RALA: variants seen among roughly 807,000 people sequenced by gnomAD.
RALA encodes ras-related protein Ral-A.
A neutral mutation model predicts 24.0 loss-of-function variants in RALA; 5 were observed. That is an observed-to-expected ratio of 0.21 (90% CI 0.11 to 0.44). The LOEUF is 0.44. RALA is among the 20% of genes least tolerant of loss of function. RALA has a pLI of 0.99. For synonymous variants in RALA, 77 were observed against 83.8 expected, an observed-to-expected ratio of 0.92 and a Z score of 0.44; for missense variants, 95 against 241.2, an observed-to-expected ratio of 0.39 and a Z score of 4.01.
At chr7:39,661,578 C>T (rs1792191682) in intron 1 of RALA, among the ~76,000 whole-genome samples, 1 of 152,220 alleles carries the variant, frequency 6.6e-6, no homozygotes, top group Non-Finnish European at 1.5e-5. Flanking sequence ...AAAATGATCT[C>T]CTTTGACTCC....
At chr7:39,651,777 G>T (rs909534682) in intron 1 of RALA, among the ~76,000 whole-genome samples, 1 of 152,022 alleles carries the variant, frequency 6.6e-6, no homozygotes, top group Admixed American at 6.6e-5. Context: ...TATAAATGCT[G>T]TTTGTAAGCA....
intron 4 of RALA, among the ~76,000 whole-genome samples, chr7:39,699,376 A>G (rs1272193877): frequency 1.3e-5 from 2 of 151,522 alleles, no homozygotes; most frequent in African/African-American, 2.4e-5. Context: ...TCCTGACCTC[A>G]TGATCCACCC....
chr7:39,684,618 G>A (rs1402019675), intron 1 of RALA, among the ~76,000 whole-genome samples: 1 of 150,660 alleles, frequency 6.6e-6, no homozygotes. Context: ...CAACCTAAAA[G>A]CAGGGGTGTC....
chr7:39,657,258 G>A (rs1219197505), intron 1 of RALA, among the ~76,000 whole-genome samples: 2 of 152,066 alleles, frequency 1.3e-5, no homozygotes, highest in Non-Finnish European at 1.5e-5. Flanking sequence ...GAGCCACCAC[G>A]CCCAGCCCAG....
chr7:39,631,547 T>C (rs1037054573), intron 1 of RALA, among the ~76,000 whole-genome samples: 1 of 152,246 alleles, frequency 6.6e-6, no homozygotes, highest in Non-Finnish European at 1.5e-5. Flanking sequence ...CTTGATGGTA[T>C]TGAGACATCT....
At chr7:39,631,439 G>A (rs1368520597) in intron 1 of RALA, among the ~76,000 whole-genome samples, 1 of 151,588 alleles carries the variant, frequency 6.6e-6, no homozygotes, top group Non-Finnish European at 1.5e-5. Flanking sequence ...GCTCACTGCA[G>A]CCTTGAACTC....
At chr7:39,628,550 T>TA (rs1791536508) in intron 1 of RALA, among the ~76,000 whole-genome samples, 1 of 152,158 alleles carries the variant, frequency 6.6e-6, no homozygotes, top group Non-Finnish European at 1.5e-5. Flanking sequence ...CCTAACAGTT[T>TA]AATTTTTTTG....
rs932133791 is a variant in RALA at position 39,689,914 on chromosome 7, A to T, written c.115-468A>T. Among the ~76,000 whole-genome samples the T allele has an allele frequency of 3.9e-5, 6 of 152,368 alleles. 1 individual carries two copies. Among genetic ancestry groups the T allele is most frequent in the Admixed American group, 6.5e-5 (1 of 15,302 alleles). On this transcript the variant is annotated intron_variant, in intron 2 of 4. Transcript: ENST00000005257. Reference sequence around the variant, plus strand: ...GAAGTCTCATAAAGTTTAAGATTTGACTTTCTGTTGAGTAGTGTAAATCAC... The same window carrying T: ...GAAGTCTCATAAAGTTTAAGATTTGTCTTTCTGTTGAGTAGTGTAAATCAC...
intron 1 of RALA, among the ~76,000 whole-genome samples, chr7:39,655,731 TC>T (rs1376289542): frequency 6.6e-6 from 1 of 152,178 alleles, no homozygotes; most frequent in African/African-American, 2.4e-5. Flanking sequence ...GTCATGCCAG[TC>T]CCTACAGAGT....
At chr7:39,680,160 G>A (rs952251317) in intron 1 of RALA, among the ~76,000 whole-genome samples, 8 of 151,854 alleles carry the variant, frequency 5.3e-5, no homozygotes, top group South Asian at 2.1e-4. Flanking sequence ...ACCTGAGGTC[G>A]GGAGTTTGAG....
At chr7:39,670,944 C>G (rs990313360) in intron 1 of RALA, among the ~76,000 whole-genome samples, 62 of 152,326 alleles carry the variant, frequency 4.1e-4, no homozygotes, top group African/African-American at 1.4e-3. Context: ...CCCAACTGGT[C>G]CCACAGAAGC....
chr7:39,685,573 G>A (rs955671872), intron 1 of RALA, among the ~76,000 whole-genome samples: 11 of 151,982 alleles, frequency 7.2e-5, no homozygotes, highest in Admixed American at 5.9e-4. Context: ...AGTCAGCATG[G>A]CCGAAGGTCA....
chr7:39,647,733 C>G (rs1791951275), intron 1 of RALA, among the ~76,000 whole-genome samples: 1 of 152,180 alleles, frequency 6.6e-6, no homozygotes, highest in Non-Finnish European at 1.5e-5. Context: ...AGATCCCTTG[C>G]TCCTTCCACC....
rs765083941 is a variant in RALA, at chr7:39,706,260, CCTTT to C, written c.*19_*22del. 78 of 1,600,056 alleles carry C rather than the reference CCTTT, an allele frequency of 4.9e-5. No individual in the cohort carries two copies. In the East Asian group the frequency reaches 1.7e-3, roughly 34 times the overall value. On this transcript the variant is annotated 3_prime_UTR_variant, in exon 5 of 5. Coordinates refer to ENST00000005257, the MANE Select transcript of RALA (RefSeq NM_005402.4). The stretch of plus-strand genomic sequence containing the variant: ...GCATTTTATAATCAAAGCCCAAACT[CCTTT>C]CTTATCTTGACCATACTAATAAATA...
At chr7:39,644,989 C>T (rs966743625) in intron 1 of RALA, among the ~76,000 whole-genome samples, 11 of 152,062 alleles carry the variant, frequency 7.2e-5, no homozygotes, top group Non-Finnish European at 8.8e-5. Context: ...TGTAGGAAAC[C>T]CAAGTTCTGC....
intron 1 of RALA, among the ~76,000 whole-genome samples, chr7:39,664,257 A>G (rs1792248113): frequency 6.6e-6 from 1 of 152,188 alleles, no homozygotes; most frequent in Non-Finnish European, 1.5e-5. Flanking sequence ...CTAATCCCCA[A>G]GTCTTGAAAG....
chr7:39,679,076 T>C (rs936277644), intron 1 of RALA, among the ~76,000 whole-genome samples: 1 of 151,690 alleles, frequency 6.6e-6, no homozygotes, highest in Admixed American at 6.6e-5. Flanking sequence ...CTGTATCTTT[T>C]TTTTTTTTTC....
intron 1 of RALA, among the ~76,000 whole-genome samples, chr7:39,628,071 G>T (rs1337649547): frequency 6.7e-6 from 1 of 149,692 alleles, no homozygotes; most frequent in Non-Finnish European, 1.5e-5. Flanking sequence ...GCTAGTGTTT[G>T]TTTACTCAGT....
At chr7:39,699,739 A>G (rs1306139622) in intron 4 of RALA, among the ~76,000 whole-genome samples, 1 of 152,254 alleles carries the variant, frequency 6.6e-6, no homozygotes, top group African/African-American at 2.4e-5. Flanking sequence ...TGTACACATC[A>G]TAAGGATATG....
Sources: allele counts gnomAD v4.1 joint callset (sites outside exome capture counted in the v4.1 genomes callset), GRCh38; gene constraint gnomAD v4.1.1; transcripts MANE v1.5; gene names NCBI Gene and HGNC (gene_info 2026-07-23, HGNC 2026-07-21).